Variants in RAD54L observed in about 807,000 individuals in gnomAD.
RAD54L encodes the protein RAD54 like, also known as DNA repair and recombination protein RAD54-like.
A neutral mutation model predicts 91.6 loss-of-function variants in RAD54L; 74 were observed. That is an observed-to-expected ratio of 0.81 (90% CI 0.67 to 0.98). RAD54L has a LOEUF of 0.98. Ranked by LOEUF, RAD54L falls within the 50% of genes least tolerant of loss-of-function variation. RAD54L has a pLI of 0.00. For missense variants in RAD54L, 887 were observed against 945.7 expected, an observed-to-expected ratio of 0.94 and a Z score of 0.81; for synonymous variants, 304 against 349.7, an observed-to-expected ratio of 0.87 and a Z score of 1.46.
chr1:46,269,949 A>C (rs1295780874), intron 9 of RAD54L, among the ~76,000 whole-genome samples: 2 of 152,062 alleles, frequency 1.3e-5, no homozygotes, highest in Non-Finnish European at 2.9e-5. Context: ...CAAAAAAAAT[A>C]CAAAAGTTAG....
rs541643491 is a variant in RAD54L, at chr1:46,252,587, C to T, written c.210+2468C>T. Among the ~76,000 whole-genome samples the T allele has an allele frequency of 1.2e-3, 190 of 152,044 alleles. 1 individual carries two copies. Among genetic ancestry groups the T allele is most frequent in the African/African-American group, 4.3e-3 (178 of 41,464 alleles). On this transcript the variant is annotated intron_variant, in intron 3 of 17. Coordinates refer to ENST00000371975, the MANE Select transcript of RAD54L (RefSeq NM_003579.4). ...TTGAGGATGAAGTTGGGATTTTAGGCTTTGGCAAGGTAGATGGATGGTGGT... is the reference window on the plus strand; with the variant it reads ...TTGAGGATGAAGTTGGGATTTTAGGTTTTGGCAAGGTAGATGGATGGTGGT...
At chr1:46,267,739 G>C in intron 9 of RAD54L, 130 bp downstream of exon 9, 1 of 1,272,080 alleles carries the variant, frequency 7.9e-7, no homozygotes, top group Non-Finnish European at 1.1e-6. Flanking sequence ...TTGTAGGAAG[G>C]CTTCTCTTGT....
At position 46,277,951 on chromosome 1, in the gene RAD54L, T is replaced by C; in HGVS notation, c.2004T>C (p.Asp668=). Residue 668 remains aspartate (D), a synonymous_variant, in exon 17 of 18, where the codon GAT becomes GAC. Coordinates refer to ENST00000371975, the MANE Select transcript of RAD54L (RefSeq NM_003579.4). ...LGELKELFIL[D]EASLSDTHDR... ...AGTTGAAGGAGCTGTTTATCCTGGATGAAGCTAGCCTCAGTGACACACATG... is the reference window on the plus strand; with the variant it reads ...AGTTGAAGGAGCTGTTTATCCTGGACGAAGCTAGCCTCAGTGACACACATG... 3 of 1,614,144 alleles carry C rather than the reference T, an allele frequency of 1.9e-6. No homozygotes were observed. The highest frequency in any genetic ancestry group is 2.5e-6 in the Non-Finnish European group (3 of 1,180,028).
At position 46,278,237 on chromosome 1, in the gene RAD54L, C is replaced by A. The variant is rs753869856; in HGVS notation, c.2199C>A (p.Phe733Leu). 6.2e-7 allele frequency: 1 copy of A among 1,613,796 alleles called. No homozygotes were observed. Residue 733 changes from phenylalanine to leucine, a missense_variant, in exon 18 of 18, where the codon TTC becomes TTA. By Grantham distance (22) the Phe-to-Leu change is conservative. Transcript: ENST00000371975. ...ATGCTGCCTCCACTGCCATCACCTT[C>A]GTCTTCCACCAGCGTTCTCATGAGG... ...AWDAASTAIT[F>L]VFHQRSHEEQ...
chr1:46,257,383 C>T (rs1569575073), intron 3 of RAD54L, among the ~76,000 whole-genome samples: 1 of 152,116 alleles, frequency 6.6e-6, no homozygotes, highest in Admixed American at 6.5e-5. Context: ...TCTCTGCTCT[C>T]TTGGCTTCCA....
At chr1:46,255,593 G>A (rs1301730175) in intron 3 of RAD54L, among the ~76,000 whole-genome samples, 3 of 148,718 alleles carry the variant, frequency 2.0e-5, no homozygotes, top group Non-Finnish European at 4.4e-5. Context: ...CTGCCTCCCA[G>A]GTTCAAGTGA....
chr1:46,256,597 G>A (rs147802454), intron 3 of RAD54L, among the ~76,000 whole-genome samples: 70 of 150,868 alleles, frequency 4.6e-4, no homozygotes, highest in Non-Finnish European at 5.9e-4. Context: ...CACCACTACT[G>A]TACTCCAGCC....
chr1:46,248,614 G>C lies in RAD54L; in HGVS notation c.90+16G>C, dbSNP rs1289015819. 6.2e-7 allele frequency: 1 copy of C among 1,612,112 alleles called. No individual in the cohort carries two copies. The highest frequency in any genetic ancestry group is 2.2e-5 in the East Asian group (1 of 44,876). ...TGGCCTAGTGGTGAGCACTCAAGGGGACAGGGAAGGTGGGTAGAGCTGTTT... is the reference window on the plus strand; with the variant it reads ...TGGCCTAGTGGTGAGCACTCAAGGGCACAGGGAAGGTGGGTAGAGCTGTTT... On this transcript the variant is annotated intron_variant, in intron 2 of 17. Coordinates refer to ENST00000371975, the MANE Select transcript of RAD54L (RefSeq NM_003579.4).
At chr1:46,259,312 T>A (rs1660031324) in intron 4 of RAD54L, among the ~76,000 whole-genome samples, 1 of 152,124 alleles carries the variant, frequency 6.6e-6, no homozygotes, top group Non-Finnish European at 1.5e-5. Flanking sequence ...ATACTACGCT[T>A]GGCTGTGGCC....
At chr1:46,258,816 C>A in intron 4 of RAD54L, 70 bp downstream of exon 4, 1 of 1,252,758 alleles carries the variant, frequency 8.0e-7, no homozygotes, top group Non-Finnish European at 1.2e-6. Context: ...TAAAAACCTG[C>A]TTTTGTAAAT....
chr1:46,258,076 C>T (rs1659992176), intron 3 of RAD54L, among the ~76,000 whole-genome samples: 1 of 151,898 alleles, frequency 6.6e-6, no homozygotes, highest in Admixed American at 6.6e-5. Context: ...TGGGGTCTTG[C>T]TATATTGCCC....
In RAD54L at chr1:46,260,225, T is replaced by C. The variant is rs28363215; in HGVS notation, c.407+126T>C. 2.6e-4 allele frequency: 382 copies of C among 1,449,804 alleles called. No individual in the cohort carries two copies. The African/African-American group carries it at 3.3e-3, about 13-fold the overall frequency. 89.8% of individuals were successfully genotyped at this position (1,449,804 alleles called of 1,614,324 possible). The stretch of plus-strand genomic sequence containing the variant: ...ACATATGTTTTCAGAGAGTAGATGA[T>C]TGGGGAAGGAGACTGCCTGGGGAAG... On this transcript the variant is annotated intron_variant, in intron 5 of 17. Transcript: ENST00000371975.
At chr1:46,269,421 C>T (rs995057682) in intron 9 of RAD54L, among the ~76,000 whole-genome samples, 8 of 151,622 alleles carry the variant, frequency 5.3e-5, no homozygotes, top group Non-Finnish European at 1.0e-4. Flanking sequence ...GATCCTCCTG[C>T]CTCAGCCTCC....
chr1:46,259,077 G>A (rs1410913821), intron 4 of RAD54L, among the ~76,000 whole-genome samples: 2 of 152,222 alleles, frequency 1.3e-5, no homozygotes, highest in East Asian at 3.9e-4. Flanking sequence ...TGTGTGGGAG[G>A]CCTGGATTCT....
intron 3 of RAD54L, among the ~76,000 whole-genome samples, chr1:46,254,417 G>A (rs1659885790): frequency 6.6e-6 from 1 of 151,958 alleles, no homozygotes; most frequent in African/African-American, 2.4e-5. Context: ...GTCCCTGCAG[G>A]AGATCTAGGT....
intron 3 of RAD54L, among the ~76,000 whole-genome samples, chr1:46,251,318 C>T (rs1387916135): frequency 6.6e-6 from 1 of 152,038 alleles, no homozygotes; most frequent in Non-Finnish European, 1.5e-5. Flanking sequence ...GTCCCCAAAA[C>T]AACAACAAAA....
At chr1:46,259,938 G>A in intron 4 of RAD54L, 26 bp from the exon 5 acceptor site, 1 of 1,614,134 alleles carries the variant, frequency 6.2e-7, no homozygotes, top group Non-Finnish European at 8.5e-7. Context: ...ATAGATTCAG[G>A]TGACGGAATG....
Position 46,248,367 on chromosome 1 carries a change from G to T in RAD54L, c.-39G>T. On this transcript the variant is annotated 5_prime_UTR_variant, in exon 1 of 18. Coordinates refer to ENST00000371975, the MANE Select transcript of RAD54L (RefSeq NM_003579.4). ...AGCCGCTGCCTGCTTTTGACCTTTG[G>T]CTCATGGGTACTTGACGTTTTAAAC... is the stretch of plus-strand genomic sequence containing the variant. The T allele has an allele frequency of 6.2e-7, 1 of 1,612,722 alleles. No individual in the cohort carries two copies. Among genetic ancestry groups the T allele is most frequent in the Non-Finnish European group, 8.5e-7 (1 of 1,179,906 alleles).
chr1:46,278,255 T>A lies in RAD54L; in HGVS notation c.2217T>A (p.Ser739=). 6.2e-7 allele frequency: 1 copy of A among 1,613,678 alleles called. No individual in the cohort carries two copies. Among genetic ancestry groups the A allele is most frequent in the Non-Finnish European group, 8.5e-7 (1 of 1,179,896 alleles). ...TCACCTTCGTCTTCCACCAGCGTTC[T>A]CATGAGGAGCAGCGGGGCCTCCGCT... The part of the protein sequence containing the change: ...TAITFVFHQR[S]HEEQRGLR The change falls in exon 18 of 18, where the codon TCT becomes TCA. Residue 739 remains serine, a synonymous_variant. Transcript: ENST00000371975.
Sources: allele counts gnomAD v4.1 joint callset (sites outside exome capture counted in the v4.1 genomes callset), GRCh38; gene constraint gnomAD v4.1.1; transcripts MANE v1.5; gene names NCBI Gene and HGNC (gene_info 2026-07-23, HGNC 2026-07-21).